PXDN: variants seen among roughly 807,000 people sequenced by gnomAD.
PXDN encodes the protein peroxidasin.
PXDN carries 77 observed loss-of-function variants against 140.3 expected under a neutral mutation model. That is an observed-to-expected ratio of 0.55 (90% CI 0.46 to 0.66). The LOEUF is 0.66. PXDN is among the 30% of genes least tolerant of loss of function. PXDN has a pLI of 0.00. For synonymous variants in PXDN, 911 were observed against 857.4 expected, an observed-to-expected ratio of 1.06 and a Z score of -1.09; for missense variants, 1,838 against 2,039.5, an observed-to-expected ratio of 0.90 and a Z score of 1.90.
rs997581739 is a variant in PXDN at position 1,696,776 on chromosome 2, G to GT, written c.201-3643dup. On this transcript the variant is annotated intron_variant, in intron 1 of 22. Transcript: ENST00000252804. ...TTACAACACAGCTACATCTGCACAC[G>GT]TGTTACTGGAGGGGACTTGCAGCTG... Among the ~76,000 whole-genome samples, 54 of 152,160 alleles carry GT rather than the reference G, an allele frequency of 3.5e-4. 1 individual carries two copies. The highest frequency in any genetic ancestry group is 1.3e-4 in the Admixed American group (2 of 15,270).
chr2:1,646,539 A>G (rs978875979), intron 17 of PXDN, among the ~76,000 whole-genome samples: 1 of 152,260 alleles, frequency 6.6e-6, no homozygotes, highest in Non-Finnish European at 1.5e-5. Context: ...AAATGCCAGT[A>G]ATTTAAGCGC....
chr2:1,733,903 G>A (rs1464595780), intron 1 of PXDN, among the ~76,000 whole-genome samples: 1 of 152,138 alleles, frequency 6.6e-6, no homozygotes, highest in Non-Finnish European at 1.5e-5. Context: ...TGCACTATAA[G>A]ACATTTTTTT....
chr2:1,696,111 C>T (rs1244963947), intron 1 of PXDN, among the ~76,000 whole-genome samples: 1 of 152,216 alleles, frequency 6.6e-6, no homozygotes, highest in African/African-American at 2.4e-5. Context: ...ACAAATAGAA[C>T]ATAAATATAT....
chr2:1,673,842 G>C, intron 8 of PXDN, 30 bp from the exon 9 acceptor site: 1 of 1,612,018 alleles, frequency 6.2e-7, no homozygotes. Context: ...GTCTGGTCAA[G>C]TGTTGAAAGC....
intron 1 of PXDN, among the ~76,000 whole-genome samples, chr2:1,739,207 T>C (rs953420655): frequency 6.6e-6 from 1 of 152,180 alleles, no homozygotes. Flanking sequence ...AACTTCTGCT[T>C]GTGCACTGAG....
In PXDN at chr2:1,673,799, T is replaced by C; in HGVS notation, c.862A>G (p.Met288Val). ...AAGTTTAGGCGGGAATCTGTCTTCA[T>C]GCTCAGCTCATTACTACAAAGACAG... ...IWLRNNNELS[M>V]KTDSRLNLLD... Residue 288 changes from methionine to valine, a missense_variant, in exon 9 of 23, where the codon ATG becomes GTG. Met to Val is a conservative substitution (Grantham distance 21, BLOSUM62 1). Transcript: ENST00000252804. 1 of 1,614,018 alleles carries C rather than the reference T, an allele frequency of 6.2e-7. No individual in the cohort carries two copies. Among genetic ancestry groups the C allele is most frequent in the East Asian group, 2.2e-5 (1 of 44,874 alleles).
chr2:1,648,948 G>A lies in PXDN; in HGVS notation c.2832C>T (p.Ser944=), dbSNP rs771987765. 4.4e-6 allele frequency: 7 copies of A among 1,605,450 alleles called. No homozygotes were observed. The highest frequency in any genetic ancestry group is 2.2e-5 in the South Asian group (2 of 90,760). The change falls in exon 17 of 23, where the codon TCC becomes TCT. Residue 944 remains serine, a synonymous_variant. Coordinates refer to ENST00000252804, the MANE Select transcript of PXDN (RefSeq NM_012293.3). This position sits in a 1 kb window ranked among gnomAD's most constrained non-coding sequence, Gnocchi z 8.9. ...TGGCGAAGGGGAGCAGCGGCTTCCC[G>A]GACCGCTGCACGATGCCCTGCCGCA... ...GLLRQGIVQR[S]GKPLLPFATG... is the part of the protein sequence containing the mutation.
At chr2:1,729,869 T>C (rs2125489030) in intron 1 of PXDN, among the ~76,000 whole-genome samples, 1 of 152,332 alleles carries the variant, frequency 6.6e-6, no homozygotes, top group African/African-American at 2.4e-5. Flanking sequence ...TTAGGCAGAT[T>C]TGGTCATTTC....
At chr2:1,730,965 A>C (rs1338823102) in intron 1 of PXDN, among the ~76,000 whole-genome samples, 1 of 152,162 alleles carries the variant, frequency 6.6e-6, no homozygotes, top group Non-Finnish European at 1.5e-5. Flanking sequence ...GAGAGTTTTA[A>C]AACTATCTGT....
intron 1 of PXDN, among the ~76,000 whole-genome samples, chr2:1,719,831 G>T (rs1024719293): frequency 7.6e-6 from 1 of 131,956 alleles, no homozygotes; most frequent in Non-Finnish European, 1.6e-5. Context: ...GTACATGCGT[G>T]CATTGTGTGT....
At position 1,664,910 on chromosome 2, in the gene PXDN, C is replaced by T. The variant is rs73910824; in HGVS notation, c.1408+48G>A. The T allele has an allele frequency of 1.8e-3, 2,634 of 1,442,722 alleles. 34 individuals carry two copies. In the African/African-American group the frequency reaches 0.033, roughly 18 times the overall value. The allele number at this position is 1,442,722 out of a possible 1,614,324, so 89.4% of individuals were successfully genotyped here. ...GCACAGTGGAAATGTGTGCTTCCTG[C>T]GTCTGTGGCCGCGGAGGGAGCAGGC... On this transcript the variant is annotated intron_variant, in intron 11 of 22. Transcript: ENST00000252804.
In PXDN at chr2:1,693,483, G is replaced by C. The variant is rs527381691; in HGVS notation, c.201-349C>G. Among the ~76,000 whole-genome samples the C allele has an allele frequency of 3.9e-5, 6 of 152,214 alleles. No homozygotes were observed. In the South Asian group the frequency reaches 8.3e-4, roughly 21 times the overall value. On this transcript the variant is annotated intron_variant, in intron 1 of 22. Coordinates refer to ENST00000252804, the MANE Select transcript of PXDN (RefSeq NM_012293.3). ...TTAGGTTTGATGACATTCAAGAAGAGAGTCACGCCACCTGTGCAACTGAGT... is the reference window on the plus strand; with the variant it reads ...TTAGGTTTGATGACATTCAAGAAGACAGTCACGCCACCTGTGCAACTGAGT...
Position 1,651,335 on chromosome 2 carries a change from C to T in PXDN, c.2105-1660G>A, listed in dbSNP as rs188398137. On this transcript the variant is annotated intron_variant, in intron 16 of 22. Transcript: ENST00000252804. This position sits in a 1 kb window ranked among gnomAD's most constrained non-coding sequence, Gnocchi z 4.4. ...CATTGGTTCAGAGGCAGACCAGACC[C>T]GCCAACCAGAGCAGGTGGCACCGAC... Among the ~76,000 whole-genome samples the T allele has an allele frequency of 5.9e-5, 9 of 152,298 alleles. No individual in the cohort carries two copies. Among genetic ancestry groups the T allele is most frequent in the Non-Finnish European group, 1.0e-4 (7 of 68,024 alleles).
chr2:1,682,435 A>G (rs141697015), intron 6 of PXDN, among the ~76,000 whole-genome samples: 1,886 of 152,170 alleles, frequency 0.012, 36 homozygotes, highest in African/African-American at 0.043. Flanking sequence ...ACATAAGACC[A>G]CTCTGGAGTT....
At chr2:1,733,432 T>G (rs1344536320) in intron 1 of PXDN, among the ~76,000 whole-genome samples, 1 of 151,918 alleles carries the variant, frequency 6.6e-6, no homozygotes, top group Non-Finnish European at 1.5e-5. Context: ...GGAAACAATG[T>G]GAGAGGACAT....
At position 1,680,214 on chromosome 2, in the gene PXDN, T is replaced by C. The variant is rs552410427; in HGVS notation, c.709A>G (p.Thr237Ala). Residue 237 changes from threonine to alanine, a missense_variant, in exon 7 of 23, where the codon ACC (threonine) becomes GCC (alanine). Physicochemically the swap from Thr to Ala is moderately conservative, Grantham distance 58. Transcript: ENST00000252804. ...RIQGRSVATI[T>A]PEELNCERPR... ...TCACCACAGTTCAGCTCTTCCGGGGTGATGGTTGCCACTGAGCGTCCCTGG... is the reference window on the plus strand; with the variant it reads ...TCACCACAGTTCAGCTCTTCCGGGGCGATGGTTGCCACTGAGCGTCCCTGG... The C allele has an allele frequency of 3.2e-6, 5 of 1,586,166 alleles. No homozygotes were observed. The Admixed American group carries it at 7.2e-5, about 23-fold the overall frequency.
chr2:1,679,383 GTC>G (rs900443347), intron 7 of PXDN, among the ~76,000 whole-genome samples: 3 of 145,392 alleles, frequency 2.1e-5, no homozygotes, highest in African/African-American at 5.2e-5. Flanking sequence ...CTGCATGTGT[GTC>G]TATAAATGGT....
chr2:1,677,164 C>T, intron 7 of PXDN, 120 bp from the exon 8 acceptor site: 1 of 855,564 alleles, frequency 1.2e-6, no homozygotes, highest in Non-Finnish European at 1.8e-6. Context: ...AGGTGTAATT[C>T]AGCCACAAAC....
intron 9 of PXDN, among the ~76,000 whole-genome samples, chr2:1,671,078 T>A (rs141477799): frequency 6.6e-6 from 1 of 151,846 alleles, no homozygotes; most frequent in African/African-American, 2.4e-5. Context: ...ATAATAATGT[T>A]TATAGGTTTA....
Sources: allele counts gnomAD v4.1 joint callset (sites outside exome capture counted in the v4.1 genomes callset), GRCh38; gene constraint gnomAD v4.1.1; non-coding constraint Gnocchi (gnomAD v3.1); transcripts MANE v1.5; gene names NCBI Gene and HGNC (gene_info 2026-07-23, HGNC 2026-07-21).